Variants in ZNF385B observed in about 807,000 individuals in gnomAD.
ZNF385B encodes zinc finger protein 533.
Under a neutral mutation model 39.2 loss-of-function variants are expected in ZNF385B, and 23 were observed. The observed-to-expected ratio is 0.59, with a 90% CI of 0.42 to 0.83. The LOEUF is 0.83. Ranked by LOEUF, ZNF385B falls within the 40% of genes least tolerant of loss-of-function variation. The pLI, the probability that ZNF385B is intolerant of heterozygous loss-of-function variation, is 0.00. For missense variants in ZNF385B, 552 were observed against 598.9 expected (o/e 0.92, Z 0.82); for synonymous variants, 205 against 222.6 (o/e 0.92, Z 0.70).
intron 3 of ZNF385B, among the ~76,000 whole-genome samples, chr2:179,652,149 C>T (rs1002242675): frequency 6.6e-6 from 1 of 152,064 alleles, no homozygotes; most frequent in Non-Finnish European, 1.5e-5. Context: ...TCCTAAGTAG[C>T]TATAAAGAGT....
At chr2:179,458,800 T>A (rs2138880) in intron 6 of ZNF385B, among the ~76,000 whole-genome samples, 107,285 of 152,038 alleles carry the variant, frequency 0.71, 38,392 homozygotes, top group East Asian at 0.94. Context: ...ACTTCCTCAT[T>A]ACTGGCCTCC....
chr2:179,734,910 C>T lies in ZNF385B; in HGVS notation c.298+34593G>A, dbSNP rs113924033. Among the ~76,000 whole-genome samples the T allele has an allele frequency of 1.1e-4, 16 of 152,186 alleles. 1 individual carries two copies. The East Asian group carries it at 1.7e-3, about 17-fold the overall frequency. On this transcript the variant is annotated intron_variant, in intron 3 of 9. Transcript: ENST00000410066. ...ATGGATTAAAGACTTAAACGTCAGA[C>T]CTAAAACCATAAAAACCCTAGAAGA...
intron 3 of ZNF385B, among the ~76,000 whole-genome samples, chr2:179,745,540 G>T (rs1481062781): frequency 1.3e-5 from 2 of 152,086 alleles, no homozygotes; most frequent in Non-Finnish European, 1.5e-5. Flanking sequence ...GAGTTACTTC[G>T]CAACAAAATT....
chr2:179,846,497 C>T (rs1478978090), intron 1 of ZNF385B, among the ~76,000 whole-genome samples: 6 of 152,132 alleles, frequency 3.9e-5, no homozygotes, highest in Non-Finnish European at 1.5e-5. Flanking sequence ...TTCTAAATAG[C>T]CCATTTACCT....
intron 3 of ZNF385B, among the ~76,000 whole-genome samples, chr2:179,627,002 A>G (rs1179709167): frequency 2.0e-5 from 3 of 152,184 alleles, no homozygotes; most frequent in African/African-American, 7.2e-5. Context: ...TGTCAAGTCT[A>G]AGATAATACT....
chr2:179,825,386 A>T (rs778549932), intron 1 of ZNF385B, among the ~76,000 whole-genome samples: 1 of 152,198 alleles, frequency 6.6e-6, no homozygotes, highest in Non-Finnish European at 1.5e-5. Flanking sequence ...AAATTCACTC[A>T]ATCTAAAGTT....
At chr2:179,681,996 C>G (rs1575215771) in intron 3 of ZNF385B, among the ~76,000 whole-genome samples, 1 of 152,154 alleles carries the variant, frequency 6.6e-6, no homozygotes, top group Non-Finnish European at 1.5e-5. Context: ...TTTGGCTGGG[C>G]AAACCAATAA....
intron 6 of ZNF385B, among the ~76,000 whole-genome samples, chr2:179,455,945 A>G (rs1316132146): frequency 9.2e-5 from 14 of 152,164 alleles, no homozygotes; most frequent in Non-Finnish European, 1.5e-5. Flanking sequence ...GTGAGAAGGA[A>G]CTAAAACTAT....
chr2:179,488,001 CCT>C (rs1463687868), intron 5 of ZNF385B, among the ~76,000 whole-genome samples: 8 of 152,152 alleles, frequency 5.3e-5, no homozygotes, highest in African/African-American at 1.9e-4. Flanking sequence ...TTTCTCAAAT[CCT>C]CTGAATTTCT....
chr2:179,544,932 C>T lies in ZNF385B; in HGVS notation c.336G>A (p.Val112=). Residue 112 remains valine (V), a synonymous_variant, in exon 4 of 10, where the codon GTG becomes GTA. Transcript: ENST00000410066. The stretch of plus-strand genomic sequence containing the variant: ...GCTGCATCATCAGGGTAGGTGTGCG[C>T]ACAAGAGCAGGAAGGGTAGTAGTGT... ...TCHTTTLPAL[V]RTPTLMMQPS... is the part of the protein sequence containing the mutation. 1 of 1,614,052 alleles carries T rather than the reference C, an allele frequency of 6.2e-7. No homozygotes were observed. The highest frequency in any genetic ancestry group is 1.3e-5 in the African/African-American group (1 of 75,054).
intron 1 of ZNF385B, among the ~76,000 whole-genome samples, chr2:179,845,347 A>G (rs1245941065): frequency 6.6e-6 from 1 of 152,228 alleles, no homozygotes; most frequent in Admixed American, 6.5e-5. Flanking sequence ...AACCAGTGAT[A>G]TACAATGTGG....
At chr2:179,479,125 G>C (rs2053721731) in intron 6 of ZNF385B, among the ~76,000 whole-genome samples, 2 of 152,114 alleles carry the variant, frequency 1.3e-5, no homozygotes, top group Non-Finnish European at 2.9e-5. Context: ...CATTTATTTG[G>C]ATTTTACATG....
intron 3 of ZNF385B, among the ~76,000 whole-genome samples, chr2:179,648,601 C>T (rs774642911): frequency 6.6e-6 from 1 of 152,126 alleles, no homozygotes; most frequent in Non-Finnish European, 1.5e-5. Context: ...CCCTCCATTA[C>T]AAACAACCAG....
At chr2:179,707,466 A>G (rs979130117) in intron 3 of ZNF385B, among the ~76,000 whole-genome samples, 23 of 152,206 alleles carry the variant, frequency 1.5e-4, no homozygotes, top group African/African-American at 5.1e-4. Flanking sequence ...CTTTGTAATT[A>G]CAGACTATGG....
At chr2:179,581,586 G>A (rs1455099069) in intron 3 of ZNF385B, among the ~76,000 whole-genome samples, 1 of 152,124 alleles carries the variant, frequency 6.6e-6, no homozygotes, top group South Asian at 2.1e-4. Context: ...CATTTGGTGA[G>A]CATTTATTCC....
intron 1 of ZNF385B, among the ~76,000 whole-genome samples, chr2:179,810,028 T>C (rs1237625421): frequency 6.6e-6 from 1 of 152,028 alleles, no homozygotes; most frequent in Non-Finnish European, 1.5e-5. Flanking sequence ...GAAAGATTGA[T>C]ATATGTCAGT....
At chr2:179,774,319 T>C (rs776211624) in intron 1 of ZNF385B, among the ~76,000 whole-genome samples, 12 of 151,998 alleles carry the variant, frequency 7.9e-5, no homozygotes, top group Middle Eastern at 3.2e-3. Flanking sequence ...TGTATACGTG[T>C]GTAGCACTGG....
At chr2:179,461,328 G>A (rs1052512057) in intron 6 of ZNF385B, among the ~76,000 whole-genome samples, 1 of 152,176 alleles carries the variant, frequency 6.6e-6, no homozygotes, top group Non-Finnish European at 1.5e-5. Flanking sequence ...GAGGAGATCA[G>A]TCAAGAAACG....
chr2:179,533,393 T>C (rs1345417448), intron 4 of ZNF385B, among the ~76,000 whole-genome samples: 2 of 152,208 alleles, frequency 1.3e-5, no homozygotes, highest in East Asian at 3.8e-4. Flanking sequence ...TAATTTAAAA[T>C]TTTTTATTTA....
Sources: allele counts gnomAD v4.1 joint callset (sites outside exome capture counted in the v4.1 genomes callset), GRCh38; gene constraint gnomAD v4.1.1; transcripts MANE v1.5; gene names NCBI Gene and HGNC (gene_info 2026-07-23, HGNC 2026-07-21).